The following SH3GL2 variants were observed in gnomAD, a reference collection of about 807,000 sequenced individuals.
SH3GL2 encodes SH3 domain containing GRB2 like 2, endophilin A1, also known as endophilin-A1.
A neutral mutation model predicts 46.0 loss-of-function variants in SH3GL2; 24 were observed. That is an observed-to-expected ratio of 0.52 (90% CI 0.38 to 0.73). The LOEUF is 0.73. Ranked by LOEUF, SH3GL2 falls within the 30% of genes least tolerant of loss-of-function variation. The probability of loss-of-function intolerance (pLI) is 0.00; values close to 1 mark genes in which losing one functional copy is unlikely to be tolerated. For synonymous variants in SH3GL2, 196 were observed against 147.1 expected (o/e 1.33, Z -2.40); for missense variants, 413 against 424.2 (o/e 0.97, Z 0.23).
chr9:17,639,468 C>G (rs950911759), intron 1 of SH3GL2, among the ~76,000 whole-genome samples: 6 of 152,074 alleles, frequency 3.9e-5, no homozygotes, highest in African/African-American at 7.2e-5. Context: ...CATATTAAAG[C>G]CACAATGCGA....
intron 3 of SH3GL2, among the ~76,000 whole-genome samples, chr9:17,780,623 C>CAATGTTATCCT (rs1823780046): frequency 8.8e-6 from 1 of 113,472 alleles, no homozygotes; most frequent in Non-Finnish European, 1.8e-5. Context: ...AATGCTATCC[C>CAATGTTATCCT]TCCCCCCTCC....
chr9:17,787,180 A>G (rs1419787988), intron 4 of SH3GL2, among the ~76,000 whole-genome samples, 200 bp from the exon 5 acceptor site: 1 of 152,160 alleles, frequency 6.6e-6, no homozygotes, highest in Non-Finnish European at 1.5e-5. Flanking sequence ...TAACTGTTCC[A>G]TTCTTGATGA....
At chr9:17,772,958 A>G (rs1312227734) in intron 3 of SH3GL2, among the ~76,000 whole-genome samples, 2 of 152,180 alleles carry the variant, frequency 1.3e-5, no homozygotes, top group African/African-American at 2.4e-5. Flanking sequence ...CCAACAGTGC[A>G]CAAGGGTTCG....
chr9:17,770,667 C>T (rs577620269), intron 3 of SH3GL2, among the ~76,000 whole-genome samples: 1 of 152,338 alleles, frequency 6.6e-6, no homozygotes, highest in South Asian at 2.1e-4. Context: ...ACAGTCTTAG[C>T]AGACTAATAC....
chr9:17,581,080 A>C (rs550173534), intron 1 of SH3GL2, among the ~76,000 whole-genome samples: 2 of 152,330 alleles, frequency 1.3e-5, no homozygotes, highest in South Asian at 4.1e-4. Flanking sequence ...ACACACGTAT[A>C]AAGTGTTCAA....
At chr9:17,685,807 A>G (rs1820890312) in intron 1 of SH3GL2, among the ~76,000 whole-genome samples, 1 of 151,964 alleles carries the variant, frequency 6.6e-6, no homozygotes, top group African/African-American at 2.4e-5. Context: ...ATTGATCTAT[A>G]TCTCTGTTTT....
intron 1 of SH3GL2, among the ~76,000 whole-genome samples, chr9:17,662,388 A>G (rs886510400): frequency 2.0e-5 from 3 of 152,178 alleles, no homozygotes; most frequent in African/African-American, 7.2e-5. Flanking sequence ...ATAGGAGAAA[A>G]TGTTCTCATG....
chr9:17,711,503 A>G (rs1208033756), intron 1 of SH3GL2, among the ~76,000 whole-genome samples: 1 of 151,834 alleles, frequency 6.6e-6, no homozygotes, highest in Non-Finnish European at 1.5e-5. Context: ...GACCAATGTT[A>G]TTCTTTCTCT....
intron 1 of SH3GL2, among the ~76,000 whole-genome samples, chr9:17,719,540 C>T (rs1821841503): frequency 6.6e-6 from 1 of 152,118 alleles, no homozygotes; most frequent in Admixed American, 6.6e-5. Flanking sequence ...AATCCCAACA[C>T]TTTGGGAGGC....
In SH3GL2 at chr9:17,622,233, A is replaced by C. The variant is rs532055648; in HGVS notation, c.45+42946A>C. On this transcript the variant is annotated intron_variant, in intron 1 of 8. Coordinates refer to ENST00000380607, the MANE Select transcript of SH3GL2 (RefSeq NM_003026.5). ...TTGCCAGGGTGGTACATTAAAAAAA[A>C]GTTTGTCCACCCATCTGCTTCATCC... is the stretch of plus-strand genomic sequence containing the variant. 2.6e-5 allele frequency among the ~76,000 whole-genome samples: 4 copies of C among 152,294 alleles called. No individual in the cohort carries two copies. In the South Asian group the frequency reaches 6.2e-4, roughly 24 times the overall value.
intron 8 of SH3GL2, 76 bp from the exon 9 acceptor site, chr9:17,795,468 G>A: frequency 2.6e-6 from 3 of 1,167,958 alleles, no homozygotes; most frequent in Non-Finnish European, 2.5e-6. Flanking sequence ...GGTGGGTACA[G>A]CAGGCAGCAG....
At chr9:17,758,078 G>A (rs1298770622) in intron 2 of SH3GL2, among the ~76,000 whole-genome samples, 1 of 152,110 alleles carries the variant, frequency 6.6e-6, no homozygotes, top group East Asian at 1.9e-4. Flanking sequence ...AGTTCTTCTG[G>A]TACTTTTTTA....
chr9:17,700,422 T>C (rs142864251), intron 1 of SH3GL2, among the ~76,000 whole-genome samples: 13 of 152,314 alleles, frequency 8.5e-5, no homozygotes, highest in Admixed American at 7.2e-4. Context: ...TAAGACTCAG[T>C]TGTGAACTGA....
intron 1 of SH3GL2, among the ~76,000 whole-genome samples, chr9:17,632,338 A>C (rs1005929876): frequency 1.3e-5 from 2 of 152,196 alleles, no homozygotes; most frequent in Non-Finnish European, 2.9e-5. Flanking sequence ...TTTTCTTTCC[A>C]TCTTGGCCGA....
intron 1 of SH3GL2, among the ~76,000 whole-genome samples, chr9:17,627,965 GTGT>G (rs1483653000): frequency 1.3e-5 from 2 of 152,146 alleles, no homozygotes; most frequent in Non-Finnish European, 2.9e-5. Flanking sequence ...TTTTCTCCTG[GTGT>G]TGTTGAGTGT....
intron 1 of SH3GL2, among the ~76,000 whole-genome samples, chr9:17,685,486 C>T (rs1464073889): frequency 6.6e-6 from 1 of 152,080 alleles, no homozygotes; most frequent in African/African-American, 2.4e-5. Flanking sequence ...ATACTATTGC[C>T]TAGCCAGGTT....
chr9:17,650,365 G>A (rs1819924945), intron 1 of SH3GL2, among the ~76,000 whole-genome samples: 1 of 151,868 alleles, frequency 6.6e-6, no homozygotes, highest in Non-Finnish European at 1.5e-5. Context: ...TCCACTTGAA[G>A]TTTTTTTGTT....
chr9:17,771,992 C>T (rs938383461), intron 3 of SH3GL2, among the ~76,000 whole-genome samples: 1 of 152,168 alleles, frequency 6.6e-6, no homozygotes, highest in Non-Finnish European at 1.5e-5. Flanking sequence ...CCTAAGTTCT[C>T]ATTACAGTAT....
intron 3 of SH3GL2, among the ~76,000 whole-genome samples, chr9:17,774,510 C>T (rs1823583857): frequency 6.6e-6 from 1 of 151,098 alleles, no homozygotes; most frequent in Non-Finnish European, 1.5e-5. Context: ...TGAACTTAGT[C>T]AACACTTATT....
Sources: gnomAD v4.1 joint callset for allele counts (sites outside exome capture counted in the v4.1 genomes callset) on GRCh38, gnomAD v4.1.1 for gene constraint, MANE v1.5 for transcripts, NCBI Gene and HGNC (gene_info 2026-07-23, HGNC 2026-07-21) for gene names.